Variants in PCDH11Y observed in about 807,000 individuals in gnomAD.
PCDH11Y encodes protocadherin 11 Y-linked, also known as protocadherin-11 Y-linked.
For missense variants in PCDH11Y, 12 were observed against 224.8 expected (o/e 0.05, Z 6.05); for synonymous variants, 9 against 83.6 (o/e 0.11, Z 4.87).
intron 3 of PCDH11Y, chrY:5,032,737 C>T: frequency 1.1e-5 from 4 of 379,129 alleles, no homozygotes; most frequent in Non-Finnish European, 1.5e-5. Context: ...AGGTGAGTTT[C>T]ATATATATTA....
At chrY:5,067,935 C>T in intron 1 of PCDH11Y, among the ~76,000 whole-genome samples, 14 of 26,455 alleles carry the variant, frequency 5.3e-4, no homozygotes, top group Admixed American at 4.2e-3. Flanking sequence ...ATGGCGTGAA[C>T]CCGGGAGGCG....
intron 4 of PCDH11Y, among the ~76,000 whole-genome samples, chrY:5,719,545 G>T: frequency 2.7e-4 from 9 of 33,541 alleles, no homozygotes. Flanking sequence ...GTGGTATTGG[G>T]CCTGTGGGTG....
At chrY:5,351,412 T>G in intron 2 of PCDH11Y, among the ~76,000 whole-genome samples, 1 of 29,134 alleles carries the variant, frequency 3.4e-5, no homozygotes, top group Non-Finnish European at 8.0e-5. Flanking sequence ...ATATAATTGA[T>G]GTTCTCAGAG....
At chrY:5,256,781 G>A (rs2124657569) in intron 2 of PCDH11Y, among the ~76,000 whole-genome samples, 2 of 32,710 alleles carry the variant, frequency 6.1e-5, no homozygotes, top group South Asian at 6.7e-4. Flanking sequence ...TTAATTCCTC[G>A]GTATTCACTT....
chrY:5,583,681 G>C, intron 4 of PCDH11Y, among the ~76,000 whole-genome samples: 1 of 25,225 alleles, frequency 4.0e-5, no homozygotes, highest in African/African-American at 1.5e-4. Context: ...ACATGTTACT[G>C]GTTTTTGTAT....
At chrY:5,385,843 T>C in intron 2 of PCDH11Y, among the ~76,000 whole-genome samples, 9 of 33,516 alleles carry the variant, frequency 2.7e-4, no homozygotes. Context: ...CTTAGCCCAC[T>C]TTTTGCTGGG....
At chrY:5,490,521 C>T in intron 2 of PCDH11Y, among the ~76,000 whole-genome samples, 1 of 34,490 alleles carries the variant, frequency 2.9e-5, no homozygotes, top group Non-Finnish European at 7.3e-5. Context: ...TTCGGACCTA[C>T]TAAAACAGAA....
chrY:5,565,911 G>A (rs1602944074), intron 3 of PCDH11Y, among the ~76,000 whole-genome samples: 17 of 22,511 alleles, frequency 7.6e-4, no homozygotes, highest in Non-Finnish European at 1.4e-3. Context: ...ATAGTAGTTT[G>A]TATAATATAG....
chrY:5,573,526 A>G, intron 3 of PCDH11Y: 1 of 308,203 alleles, frequency 3.2e-6, no homozygotes, highest in Non-Finnish European at 4.9e-6. Flanking sequence ...TGGAGCCATT[A>G]CTTCAAGACC....
intron 2 of PCDH11Y, among the ~76,000 whole-genome samples, chrY:5,192,263 T>C (rs2052913273): frequency 4.3e-4 from 13 of 30,005 alleles, no homozygotes; most frequent in African/African-American, 1.7e-3. Context: ...ACCACTGTGG[T>C]AGGAGAAGGA....
intron 2 of PCDH11Y, among the ~76,000 whole-genome samples, chrY:5,363,964 C>T: frequency 4.0e-5 from 1 of 25,183 alleles, no homozygotes; most frequent in African/African-American, 1.6e-4. Context: ...AAGCGATTCT[C>T]CTGCCTCAGC....
At chrY:5,600,132 C>CT (rs2053471356) in intron 4 of PCDH11Y, among the ~76,000 whole-genome samples, 73 of 12,125 alleles carry the variant, frequency 6.0e-3, no homozygotes, top group African/African-American at 0.013. Flanking sequence ...GAGAAATATG[C>CT]TTTTTTTTTT....
At chrY:5,624,327 C>G (rs2053504147) in intron 4 of PCDH11Y, among the ~76,000 whole-genome samples, 15 of 23,574 alleles carry the variant, frequency 6.4e-4, no homozygotes, top group Admixed American at 3.8e-4. Flanking sequence ...TTTCTTTTTT[C>G]TTTTTTCTTT....
chrY:5,410,627 T>C, intron 2 of PCDH11Y, among the ~76,000 whole-genome samples: 1 of 32,722 alleles, frequency 3.1e-5, no homozygotes, highest in East Asian at 8.1e-4. Context: ...GATTATTTTA[T>C]CACCCAGGTA....
At chrY:5,575,678 C>G in intron 3 of PCDH11Y, among the ~76,000 whole-genome samples, 2 of 33,513 alleles carry the variant, frequency 6.0e-5, no homozygotes, top group Non-Finnish European at 1.5e-4. Context: ...GGTTTGTTGA[C>G]AAAACAGTCA....
chrY:5,675,874 C>T, intron 4 of PCDH11Y, among the ~76,000 whole-genome samples: 3 of 32,766 alleles, frequency 9.2e-5, no homozygotes, highest in African/African-American at 3.6e-4. Flanking sequence ...GTGTCTGCAG[C>T]TTTTCCAGGT....
chrY:5,082,333 A>T (rs2052722347), intron 1 of PCDH11Y, among the ~76,000 whole-genome samples: 1 of 32,861 alleles, frequency 3.0e-5, no homozygotes, highest in Non-Finnish European at 7.5e-5. Flanking sequence ...AAGTTTCATT[A>T]TTTATTTTTA....
intron 2 of PCDH11Y, among the ~76,000 whole-genome samples, chrY:5,122,168 G>A: frequency 3.1e-5 from 1 of 32,616 alleles, no homozygotes; most frequent in Non-Finnish European, 7.5e-5. Flanking sequence ...TAATCACAGG[G>A]CATGGTAATA....
chrY:5,288,479 T>C (rs2053063093), intron 2 of PCDH11Y, among the ~76,000 whole-genome samples: 1 of 29,490 alleles, frequency 3.4e-5, no homozygotes, highest in Non-Finnish European at 8.0e-5. Flanking sequence ...CCCAGCTTTG[T>C]TTTCTGGCCT....
Sources: allele counts gnomAD v4.1 joint callset (sites outside exome capture counted in the v4.1 genomes callset), GRCh38; gene constraint gnomAD v4.1.1; transcripts MANE v1.5; gene names NCBI Gene and HGNC (gene_info 2026-07-23, HGNC 2026-07-21).